TAF3: variants seen among roughly 807,000 people sequenced by gnomAD.
The protein encoded by TAF3 is TATA-box binding protein associated factor 3.
Under a neutral mutation model 80.6 loss-of-function variants are expected in TAF3, and 7 were observed. The observed-to-expected ratio is 0.09, with a 90% CI of 0.05 to 0.16. The LOEUF is 0.16. Among genes scored for constraint, TAF3 ranks in the 10% least tolerant of loss-of-function variants. TAF3 has a pLI of 1.00. For synonymous variants in TAF3, 444 were observed against 446.1 expected (o/e 1.00, Z 0.06); for missense variants, 921 against 1,140.2 (o/e 0.81, Z 2.77).
intron 2 of TAF3, among the ~76,000 whole-genome samples, chr10:7,896,483 A>G (rs1837505603): frequency 6.6e-6 from 1 of 152,194 alleles, no homozygotes; most frequent in African/African-American, 2.4e-5. Flanking sequence ...CCACTCAGCC[A>G]GCTGGGAATG....
chr10:7,918,987 G>A (rs1377193449), intron 2 of TAF3, among the ~76,000 whole-genome samples: 1 of 152,178 alleles, frequency 6.6e-6, no homozygotes, highest in Non-Finnish European at 1.5e-5. Flanking sequence ...AGTTGAGGGG[G>A]CTGTGATGGA....
chr10:7,946,093 G>A (rs1838021617), intron 2 of TAF3, among the ~76,000 whole-genome samples: 1 of 152,110 alleles, frequency 6.6e-6, no homozygotes, highest in East Asian at 1.9e-4. Context: ...CATCCATAAC[G>A]TCACTGCATC....
intron 4 of TAF3, among the ~76,000 whole-genome samples, chr10:8,000,153 G>A (rs1050508675): frequency 1.8e-4 from 27 of 151,966 alleles, no homozygotes; most frequent in Admixed American, 1.6e-3. Context: ...TTTTTGAGAC[G>A]GGGTCTCACT....
At chr10:7,928,939 ATTTT>A (rs1325552802) in intron 2 of TAF3, among the ~76,000 whole-genome samples, 1 of 152,020 alleles carries the variant, frequency 6.6e-6, no homozygotes, top group African/African-American at 2.4e-5. Context: ...CCACAGAAGA[ATTTT>A]TTTTAAGTGT....
chr10:7,848,215 T>G (rs1211936608), intron 2 of TAF3, among the ~76,000 whole-genome samples: 1 of 152,210 alleles, frequency 6.6e-6, no homozygotes, highest in Non-Finnish European at 1.5e-5. Flanking sequence ...AGGGTTAAAG[T>G]AAAAAATATT....
At chr10:7,923,707 C>T (rs963305616) in intron 2 of TAF3, among the ~76,000 whole-genome samples, 3 of 151,618 alleles carry the variant, frequency 2.0e-5, no homozygotes, top group Admixed American at 2.0e-4. Flanking sequence ...TACCTCCCTG[C>T]TTTTAAACAC....
At position 8,014,847 on chromosome 10, in the gene TAF3, C is replaced by A; in HGVS notation, c.*96C>A. Reference sequence around the variant, plus strand: ...GTGCAAGTCTGCCGTCACATCCACCCCCAGATGCCTGTGGATAAAGAACCC... The same window carrying A: ...GTGCAAGTCTGCCGTCACATCCACCACCAGATGCCTGTGGATAAAGAACCC... On this transcript the variant is annotated 3_prime_UTR_variant, in exon 7 of 7. Transcript: ENST00000344293. 9.5e-7 allele frequency: 1 copy of A among 1,050,100 alleles called. No homozygotes were observed. Among genetic ancestry groups the A allele is most frequent in the Non-Finnish European group, 1.4e-6 (1 of 728,246 alleles). The allele number at this position is 1,050,100 out of a possible 1,614,324, so 65.0% of individuals were successfully genotyped here.
At chr10:7,898,511 G>A (rs1588543866) in intron 2 of TAF3, among the ~76,000 whole-genome samples, 2 of 141,880 alleles carry the variant, frequency 1.4e-5, no homozygotes, top group African/African-American at 2.7e-5. Flanking sequence ...ACGCCACTGC[G>A]CTCCAGATTG....
rs538701357 is a variant in TAF3 at position 7,887,275 on chromosome 10, G to C, written c.409+62715G>C. Among the ~76,000 whole-genome samples, 16 of 151,668 alleles carry C rather than the reference G, an allele frequency of 1.1e-4. No individual in the cohort carries two copies. The East Asian group carries it at 2.9e-3, about 28-fold the overall frequency. On this transcript the variant is annotated intron_variant, in intron 2 of 6. Transcript: ENST00000344293. The stretch of plus-strand genomic sequence containing the variant: ...AAAGAAAGCTGGTTAAGGAAATGAT[G>C]AGGAAAACTGAATCTAAAGCAGTTT...
chr10:7,856,272 T>C (rs948278339), intron 2 of TAF3, among the ~76,000 whole-genome samples: 2 of 152,148 alleles, frequency 1.3e-5, no homozygotes, highest in Non-Finnish European at 2.9e-5. Context: ...GGTCAGGAGT[T>C]CGAGACCAGC....
intron 2 of TAF3, among the ~76,000 whole-genome samples, chr10:7,934,591 C>T (rs1239510593): frequency 2.0e-5 from 3 of 152,032 alleles, no homozygotes; most frequent in African/African-American, 4.8e-5. Context: ...ATTACAAGCA[C>T]CCGCCACCAC....
At chr10:7,897,986 T>C (rs1470246695) in intron 2 of TAF3, among the ~76,000 whole-genome samples, 1 of 152,136 alleles carries the variant, frequency 6.6e-6, no homozygotes, top group Non-Finnish European at 1.5e-5. Context: ...GGAATTCTTA[T>C]TGGTTGGATG....
At chr10:7,882,390 C>G (rs1214529297) in intron 2 of TAF3, among the ~76,000 whole-genome samples, 1 of 152,054 alleles carries the variant, frequency 6.6e-6, no homozygotes, top group Non-Finnish European at 1.5e-5. Flanking sequence ...GTCCATCTAC[C>G]TCATTTTATA....
rs951482841 is a variant in TAF3, at chr10:7,891,220, T to C, written c.409+66660T>C. Among the ~76,000 whole-genome samples, 7 of 152,346 alleles carry C rather than the reference T, an allele frequency of 4.6e-5. No individual in the cohort carries two copies. The East Asian group carries it at 7.7e-4, about 17-fold the overall frequency. On this transcript the variant is annotated intron_variant, in intron 2 of 6. Transcript: ENST00000344293. ...AGCTGATTTTACAATTTACCCATTT[T>C]GATATAAAGGAGTAATTTTCTGAGT...
intron 4 of TAF3, among the ~76,000 whole-genome samples, chr10:8,006,414 A>G (rs1314121871): frequency 6.6e-6 from 1 of 152,138 alleles, no homozygotes; most frequent in Non-Finnish European, 1.5e-5. Context: ...GCAAGTAAAT[A>G]TTTAACACAG....
rs191234930 is a variant in TAF3 at position 7,902,749 on chromosome 10, G to T, written c.410-61171G>T. 2.6e-5 allele frequency among the ~76,000 whole-genome samples: 4 copies of T among 152,054 alleles called. No homozygotes were observed. The South Asian group carries it at 8.3e-4, about 32-fold the overall frequency. ...CTTTGCAAATGTTCTGATCCTCCGCGTTCATTTAGCATTTATTGATGATTC... is the reference window on the plus strand; with the variant it reads ...CTTTGCAAATGTTCTGATCCTCCGCTTTCATTTAGCATTTATTGATGATTC... On this transcript the variant is annotated intron_variant, in intron 2 of 6. Transcript: ENST00000344293.
intron 4 of TAF3, among the ~76,000 whole-genome samples, chr10:7,991,344 A>G (rs1453505394): frequency 6.6e-6 from 1 of 152,204 alleles, no homozygotes; most frequent in African/African-American, 2.4e-5. Flanking sequence ...TCAAATGATT[A>G]TTCATTAAAT....
chr10:7,909,508 CT>C, intron 2 of TAF3, among the ~76,000 whole-genome samples: 1 of 152,306 alleles, frequency 6.6e-6, no homozygotes, highest in East Asian at 1.9e-4. Context: ...GGATAAAGTG[CT>C]GCATCTGTTA....
At chr10:7,869,692 G>T (rs1837247109) in intron 2 of TAF3, among the ~76,000 whole-genome samples, 2 of 152,128 alleles carry the variant, frequency 1.3e-5, no homozygotes, top group Admixed American at 6.5e-5. Flanking sequence ...ACATATTTCA[G>T]TTGCCCTCCA....
Sources: allele counts gnomAD v4.1 joint callset (sites outside exome capture counted in the v4.1 genomes callset), GRCh38; gene constraint gnomAD v4.1.1; transcripts MANE v1.5; gene names NCBI Gene and HGNC (gene_info 2026-07-23, HGNC 2026-07-21).